Variants in IFT20 observed in about 807,000 individuals in gnomAD.
The protein encoded by IFT20 is intraflagellar transport protein 20 homolog.
In IFT20, 4 loss-of-function variants were observed where a neutral mutation model predicts 16.9. That is an observed-to-expected ratio of 0.24 (90% CI 0.12 to 0.54). IFT20 has a LOEUF of 0.54. Among genes scored for constraint, IFT20 ranks in the 20% least tolerant of loss-of-function variants. IFT20 has a pLI of 0.95. For missense variants in IFT20, 154 were observed against 149.7 expected (o/e 1.03, Z -0.15); for synonymous variants, 48 against 49.9 (o/e 0.96, Z 0.16).
At chr17:28,330,997 A>C (rs569049993) in intron 2 of IFT20, among the ~76,000 whole-genome samples, 1 of 152,318 alleles carries the variant, frequency 6.6e-6, no homozygotes, top group African/African-American at 2.4e-5. Context: ...CTGCTTCCCC[A>C]GGAGTGACAG....
At chr17:28,334,716 CAGG>C (rs1907018879) in intron 1 of IFT20, among the ~76,000 whole-genome samples, 1 of 152,238 alleles carries the variant, frequency 6.6e-6, no homozygotes, top group South Asian at 2.1e-4. Flanking sequence ...ACCGTGGAAA[CAGG>C]AGACTATTGC....
Position 28,335,370 on chromosome 17 carries a change from G to C in IFT20, c.-33C>G, listed in dbSNP as rs886306375. 2.6e-5 allele frequency: 4 copies of C among 152,322 alleles called. No individual in the cohort carries two copies. Among genetic ancestry groups the C allele is most frequent in the African/African-American group, 9.7e-5 (4 of 41,444 alleles). 9.4% of individuals were successfully genotyped at this position (152,322 alleles called of 1,614,324 possible). On this transcript the variant is annotated 5_prime_UTR_variant, in exon 1 of 5. Coordinates refer to ENST00000395418, the MANE Select transcript of IFT20 (RefSeq NM_001267776.2). ...GGCCCCGCGGCGGCAGCGCGCTGCA[G>C]CCCAGGCTGATGTAGACAGGCAGCT...
At chr17:28,330,840 CCCTTGGT>C (rs1216526152) in intron 2 of IFT20, among the ~76,000 whole-genome samples, 6 of 152,344 alleles carry the variant, frequency 3.9e-5, no homozygotes, top group African/African-American at 1.2e-4. Flanking sequence ...CTGTCTCCTA[CCCTTGGT>C]CTGAACCTAG....
intron 1 of IFT20, chr17:28,332,252 G>A (rs1277034160): frequency 1.1e-5 from 17 of 1,518,004 alleles, no homozygotes; most frequent in East Asian, 4.9e-5. Context: ...AATAAAGTCC[G>A]CTTGCTTGTC....
chr17:28,331,720 T>C, intron 2 of IFT20, 139 bp downstream of exon 2: 8 of 1,008,684 alleles, frequency 7.9e-6, no homozygotes, highest in Non-Finnish European at 1.2e-5. Flanking sequence ...CAGAAAAGGG[T>C]GGCACGTGGG....
intron 1 of IFT20, chr17:28,332,227 C>T: frequency 6.5e-7 from 1 of 1,535,740 alleles, no homozygotes; most frequent in Non-Finnish European, 8.7e-7. Flanking sequence ...GTCATAGGAG[C>T]AAGGGTCAGG....
intron 2 of IFT20, among the ~76,000 whole-genome samples, chr17:28,331,149 T>C (rs1906749805): frequency 6.6e-6 from 1 of 152,224 alleles, no homozygotes; most frequent in African/African-American, 2.4e-5. Context: ...CTCACAGCAT[T>C]AAGTGCCTAA....
intron 1 of IFT20, among the ~76,000 whole-genome samples, chr17:28,333,106 C>CACACACACACA (rs3222917): frequency 8.0e-5 from 12 of 150,836 alleles, no homozygotes; most frequent in African/African-American, 1.7e-4. Flanking sequence ...CACACACACA[C>CACACACACACA]AATTAAACAT....
chr17:28,331,911 C>T lies in IFT20; in HGVS notation c.75G>A (p.Glu25=). Residue 25 remains glutamate (E), a synonymous_variant, in exon 2 of 5, where the codon GAG becomes GAA. Transcript: ENST00000395418. The stretch of plus-strand genomic sequence containing the variant: ...TCAGCTCTATGGTCTGCTGGGTAAC[C>T]TCTGGGTCCAACACCCTCAGCTTGT... ...ELNKLRVLDP[E]VTQQTIELKE... The T allele has an allele frequency of 6.2e-7, 1 of 1,614,244 alleles. No individual in the cohort carries two copies. Among genetic ancestry groups the T allele is most frequent in the Non-Finnish European group, 8.5e-7 (1 of 1,180,052 alleles).
intron 1 of IFT20, among the ~76,000 whole-genome samples, chr17:28,333,845 C>T (rs1037928511): frequency 6.6e-6 from 1 of 152,002 alleles, no homozygotes. Flanking sequence ...CTGGGAGGAT[C>T]GCTTAAGCCC....
Position 28,335,469 on chromosome 17 carries a change from C to G in IFT20, c.-132G>C, listed in dbSNP as rs1907095997. 6.6e-6 allele frequency: 1 copy of G among 152,414 alleles called. No individual in the cohort carries two copies. The highest frequency in any genetic ancestry group is 6.5e-5 in the Admixed American group (1 of 15,282). 9.4% of individuals were successfully genotyped at this position (152,414 alleles called of 1,614,324 possible). A position where few individuals can be genotyped will look rare whatever the true frequency, so the allele number is the denominator to read the frequency against. On this transcript the variant is annotated 5_prime_UTR_variant, in exon 1 of 5. Transcript: ENST00000395418. ...TGCCACGGATACAGAGCCTGTTTAC[C>G]TATGACGTCACTACCTTCCTGACTC...
At position 28,333,254 on chromosome 17, in the gene IFT20, C is replaced by A. The variant is rs565553783; in HGVS notation, c.-2-1267G>T. 1.2e-4 allele frequency among the ~76,000 whole-genome samples: 18 copies of A among 152,374 alleles called. No homozygotes were observed. The South Asian group carries it at 3.3e-3, about 28-fold the overall frequency. Reference sequence around the variant, plus strand: ...TGCACCAGCCCCTTCCCTCTGCCCCCACTGCCCCCAGCCTCAGCTGTTTCC... The same window carrying A: ...TGCACCAGCCCCTTCCCTCTGCCCCAACTGCCCCCAGCCTCAGCTGTTTCC... On this transcript the variant is annotated intron_variant, in intron 1 of 4. Transcript: ENST00000395418.
rs56753724 is a variant in IFT20 at position 28,333,072 on chromosome 17, A to AACACACACACACACACACACAC, written c.-2-1107_-2-1086dup. On this transcript the variant is annotated intron_variant, in intron 1 of 4. Coordinates refer to ENST00000395418, the MANE Select transcript of IFT20 (RefSeq NM_001267776.2). ...AAAACTCACTCTTGTTCTGGCTCAAAACACACACACACACACACACACACA... is the reference window on the plus strand; with the variant it reads ...AAAACTCACTCTTGTTCTGGCTCAAAACACACACACACACACACACACACACACACACACACACACACACACA... 4.1e-3 allele frequency among the ~76,000 whole-genome samples: 589 copies of AACACACACACACACACACACAC among 144,538 alleles called. 3 individuals carry two copies. The highest frequency in any genetic ancestry group is 0.025 in the East Asian group (115 of 4,670). 94.8% of individuals were successfully genotyped at this position (144,538 alleles called of 152,430 possible). A position where few individuals can be genotyped will look rare whatever the true frequency, so the allele number is the denominator to read the frequency against.
intron 4 of IFT20, 133 bp downstream of exon 4, chr17:28,329,040 A>C (rs1352342386): frequency 2.9e-6 from 2 of 690,712 alleles, no homozygotes; most frequent in East Asian, 5.3e-5. Flanking sequence ...TAAAATCTTC[A>C]AATCAGGATG....
intron 1 of IFT20, among the ~76,000 whole-genome samples, chr17:28,333,633 G>A (rs1906934444): frequency 6.6e-6 from 1 of 152,142 alleles, no homozygotes; most frequent in South Asian, 2.1e-4. Flanking sequence ...TTAAAATAGG[G>A]CTTTTTAAAA....
chr17:28,331,783 A>G, intron 2 of IFT20, 76 bp downstream of exon 2: 2 of 1,583,564 alleles, frequency 1.3e-6, no homozygotes, highest in Non-Finnish European at 1.7e-6. Context: ...CCACTGTGGC[A>G]GGGCCAAGAT....
In IFT20 at chr17:28,335,338, A is replaced by G. The variant is rs1907080461; in HGVS notation, c.-3+2T>C. The stretch of plus-strand genomic sequence containing the variant: ...GCGTCCCCCGACCCGAGGTCAGCCT[A>G]CCTGCCGGCCCCGCGGCGGCAGCGC... On this transcript the variant is annotated splice_donor_variant, in intron 1 of 4. Coordinates refer to ENST00000395418, the MANE Select transcript of IFT20 (RefSeq NM_001267776.2). LOFTEE classifies it low-confidence loss of function (5UTR_SPLICE). 1 of 152,044 alleles carries G rather than the reference A, an allele frequency of 6.6e-6. No individual in the cohort carries two copies. The highest frequency in any genetic ancestry group is 1.5e-5 in the Non-Finnish European group (1 of 68,048). The allele number at this position is 152,044 out of a possible 1,614,324, so 9.4% of individuals were successfully genotyped here.
intron 1 of IFT20, among the ~76,000 whole-genome samples, chr17:28,333,501 G>A (rs1056818064): frequency 1.3e-5 from 2 of 152,232 alleles, no homozygotes; most frequent in South Asian, 4.1e-4. Context: ...CACTGCATGG[G>A]CCAACTAATA....
chr17:28,333,864 G>T (rs184746062), intron 1 of IFT20, among the ~76,000 whole-genome samples: 5 of 152,236 alleles, frequency 3.3e-5, no homozygotes, highest in Non-Finnish European at 4.4e-5. Context: ...CCAGGAGGTG[G>T]AGGCTGCAGT....
Sources: gnomAD v4.1 joint callset for allele counts (sites outside exome capture counted in the v4.1 genomes callset) on GRCh38, gnomAD v4.1.1 for gene constraint, MANE v1.5 for transcripts, NCBI Gene and HGNC (gene_info 2026-07-23, HGNC 2026-07-21) for gene names.